The following KLHL29 variants were observed in gnomAD, a reference collection of about 807,000 sequenced individuals.
KLHL29 encodes the protein kelch like family member 29.
Under a neutral mutation model 80.4 loss-of-function variants are expected in KLHL29, and 21 were observed. The ratio of observed to expected loss-of-function variants is 0.26; its 90% CI spans 0.19 to 0.38. The LOEUF (loss-of-function observed/expected upper bound fraction) is 0.38, where lower values mean the gene tolerates loss of function less well. Ranked by LOEUF, KLHL29 falls within the 10% of genes least tolerant of loss-of-function variation. The pLI, the probability that KLHL29 is intolerant of heterozygous loss-of-function variation, is 1.00. For synonymous variants in KLHL29, 511 were observed against 526.8 expected (o/e 0.97, Z 0.41); for missense variants, 867 against 1,223.9 (o/e 0.71, Z 4.35).
At chr2:23,675,437 G>C (rs1030021866) in intron 5 of KLHL29, among the ~76,000 whole-genome samples, 1 of 152,058 alleles carries the variant, frequency 6.6e-6, no homozygotes, top group African/African-American at 2.4e-5. Flanking sequence ...CTAAACAAGA[G>C]ACTGTACCCC....
chr2:23,435,587 T>G (rs1663315029), intron 1 of KLHL29, among the ~76,000 whole-genome samples: 1 of 152,216 alleles, frequency 6.6e-6, no homozygotes, highest in African/African-American at 2.4e-5. Flanking sequence ...GAGCTGCGGT[T>G]GCACGTAAAT....
At chr2:23,662,031 A>G (rs1424561074) in intron 5 of KLHL29, among the ~76,000 whole-genome samples, 1 of 152,202 alleles carries the variant, frequency 6.6e-6, no homozygotes, top group African/African-American at 2.4e-5. Context: ...AGCTGAAAGG[A>G]TGAGTGCTGC....
intron 2 of KLHL29, among the ~76,000 whole-genome samples, chr2:23,556,851 C>T (rs1163569553): frequency 6.6e-6 from 1 of 152,228 alleles, no homozygotes; most frequent in African/African-American, 2.4e-5. Context: ...CCTATTTCCA[C>T]CCGTGAATAC....
At chr2:23,535,586 T>C (rs1666636025) in intron 2 of KLHL29, among the ~76,000 whole-genome samples, 1 of 152,238 alleles carries the variant, frequency 6.6e-6, no homozygotes, top group Non-Finnish European at 1.5e-5. Context: ...GGGAATGCTA[T>C]AGTCATGGAT....
intron 2 of KLHL29, among the ~76,000 whole-genome samples, chr2:23,532,103 C>G (rs995941132): frequency 2.0e-5 from 3 of 152,188 alleles, no homozygotes; most frequent in East Asian, 1.9e-4. Context: ...AACGACCCCC[C>G]ACAGACCAGA....
chr2:23,476,969 A>G (rs1213354992), intron 2 of KLHL29, among the ~76,000 whole-genome samples: 2 of 152,258 alleles, frequency 1.3e-5, no homozygotes, highest in African/African-American at 2.4e-5. Flanking sequence ...ATTTCATGCT[A>G]CTGAAGGGAC....
intron 1 of KLHL29, among the ~76,000 whole-genome samples, chr2:23,403,720 A>AGTGT (rs1166505896): frequency 2.1e-5 from 3 of 140,590 alleles, no homozygotes; most frequent in African/African-American, 8.5e-5. Context: ...AAAGAGAGAG[A>AGTGT]GAGAGAGTGT....
At chr2:23,440,169 C>T (rs181772748) in intron 1 of KLHL29, among the ~76,000 whole-genome samples, 24 of 152,160 alleles carry the variant, frequency 1.6e-4, no homozygotes, top group South Asian at 1.5e-3. Context: ...TCAGAAATAA[C>T]GCCGCATATC....
At chr2:23,592,527 C>G (rs1230887134) in intron 3 of KLHL29, among the ~76,000 whole-genome samples, 9 of 152,250 alleles carry the variant, frequency 5.9e-5, no homozygotes, top group Admixed American at 5.9e-4. Context: ...GGCCGGGGGC[C>G]TCTCCAGGAG....
intron 2 of KLHL29, among the ~76,000 whole-genome samples, chr2:23,529,029 C>A (rs936259395): frequency 1.3e-5 from 2 of 152,202 alleles, no homozygotes; most frequent in Non-Finnish European, 2.9e-5. Flanking sequence ...TCACTAGAAA[C>A]CTCTCTTTGG....
At chr2:23,423,695 CAG>C (rs1039579757) in intron 1 of KLHL29, among the ~76,000 whole-genome samples, 13 of 152,164 alleles carry the variant, frequency 8.5e-5, no homozygotes, top group African/African-American at 2.7e-4. Context: ...TCCATGGGCT[CAG>C]GGGGTGCGGT....
rs1663234282 is a variant in KLHL29, at chr2:23,433,233, TC to T, written c.-153-42326del. 2.2e-5 allele frequency among the ~76,000 whole-genome samples: 3 copies of T among 137,730 alleles called. No individual in the cohort carries two copies. The South Asian group carries it at 7.6e-4, about 35-fold the overall frequency. 90.4% of individuals were successfully genotyped at this position (137,730 alleles called of 152,430 possible). ...GGTCTCCACCAGCAAAAGAGTAAGT[TC>T]TATGGCAAGAAACCCCTCCAGAACA... On this transcript the variant is annotated intron_variant, in intron 1 of 13. Transcript: ENST00000486442.
chr2:23,522,563 A>G (rs1321510616), intron 2 of KLHL29, among the ~76,000 whole-genome samples: 1 of 151,984 alleles, frequency 6.6e-6, no homozygotes, highest in Non-Finnish European at 1.5e-5. Context: ...AAATCTGATC[A>G]GAAAAAAAAA....
At chr2:23,663,972 T>G (rs1670488645) in intron 5 of KLHL29, among the ~76,000 whole-genome samples, 1 of 152,216 alleles carries the variant, frequency 6.6e-6, no homozygotes, top group Admixed American at 6.5e-5. Context: ...GAACATAAAT[T>G]ATTAAGACGT....
rs916309094 is a variant in KLHL29, at chr2:23,700,006, C to T, written c.2106-3180C>T. Among the ~76,000 whole-genome samples, 2 of 152,236 alleles carry T rather than the reference C, an allele frequency of 1.3e-5. No individual in the cohort carries two copies. The highest frequency in any genetic ancestry group is 4.8e-5 in the African/African-American group (2 of 41,472). On this transcript the variant is annotated intron_variant, in intron 11 of 13. Transcript: ENST00000486442. This position sits in a 1 kb window ranked among gnomAD's most constrained non-coding sequence, Gnocchi z 4.6. ...CTTCCTGCAGTCATTCCTACAAATA[C>T]AGCTACACTCGTGCCATCCTTGACT...
At chr2:23,417,172 G>A (rs765309442) in intron 1 of KLHL29, among the ~76,000 whole-genome samples, 6 of 151,862 alleles carry the variant, frequency 4.0e-5, no homozygotes, top group Non-Finnish European at 8.8e-5. Context: ...CTTGGTTCAG[G>A]CTCCATCCTC....
At chr2:23,664,392 G>A (rs888067869) in intron 5 of KLHL29, among the ~76,000 whole-genome samples, 3 of 152,156 alleles carry the variant, frequency 2.0e-5, no homozygotes, top group Admixed American at 6.5e-5. Context: ...CAAACATTGG[G>A]CTCTGGCTGG....
chr2:23,421,159 T>A (rs1662789953), intron 1 of KLHL29, among the ~76,000 whole-genome samples: 1 of 152,236 alleles, frequency 6.6e-6, no homozygotes, highest in African/African-American at 2.4e-5. Flanking sequence ...CCACTCAATG[T>A]TTCTTCCACC....
chr2:23,606,563 A>C (rs1419478347), intron 3 of KLHL29, among the ~76,000 whole-genome samples: 2 of 152,368 alleles, frequency 1.3e-5, no homozygotes, highest in East Asian at 3.9e-4. Flanking sequence ...CACTTTATGA[A>C]ATTCCTTGTC....
Sources: gnomAD v4.1 joint callset for allele counts (sites outside exome capture counted in the v4.1 genomes callset) on GRCh38, gnomAD v4.1.1 for gene constraint, Gnocchi (gnomAD v3.1) non-coding constraint, MANE v1.5 for transcripts, NCBI Gene and HGNC (gene_info 2026-07-23, HGNC 2026-07-21) for gene names.